Variants in PTPRQ observed in about 807,000 individuals in gnomAD.
PTPRQ encodes protein tyrosine phosphatase receptor type Q.
Under a neutral mutation model 246.0 loss-of-function variants are expected in PTPRQ, and 199 were observed. The observed-to-expected ratio is 0.81, with a 90% confidence interval of 0.72 to 0.91. The LOEUF is 0.91. Ranked by LOEUF, PTPRQ falls within the 40% of genes least tolerant of loss-of-function variation. The pLI, the probability that PTPRQ is intolerant of heterozygous loss-of-function variation, is 0.00. For synonymous variants in PTPRQ, 869 were observed against 853.2 expected, an observed-to-expected ratio of 1.02 and a Z score of -0.32; for missense variants, 2,624 against 2,528.4, an observed-to-expected ratio of 1.04 and a Z score of -0.81.
At chr12:80,643,573 T>C (rs1304296071) in intron 35 of PTPRQ, among the ~76,000 whole-genome samples, 1 of 152,008 alleles carries the variant, frequency 6.6e-6, no homozygotes, top group Non-Finnish European at 1.5e-5. Context: ...GAAACATCAA[T>C]GATTTGGTAA....
intron 39 of PTPRQ, among the ~76,000 whole-genome samples, chr12:80,666,579 A>G (rs1382015534): frequency 6.6e-6 from 1 of 151,992 alleles, no homozygotes; most frequent in African/African-American, 2.4e-5. Context: ...AACATAAAGA[A>G]ATTATAAATG....
intron 26 of PTPRQ, among the ~76,000 whole-genome samples, chr12:80,595,500 C>A (rs1419788648): frequency 3.3e-5 from 5 of 151,968 alleles, no homozygotes; most frequent in African/African-American, 7.2e-5. Flanking sequence ...AATTAAAATT[C>A]TCTTGGCCAG....
chr12:80,506,489 A>G (rs1337804944), intron 15 of PTPRQ, 80 bp from the exon 16 acceptor site: 2 of 1,129,126 alleles, frequency 1.8e-6, no homozygotes, highest in East Asian at 2.6e-5. Flanking sequence ...TTGTGTTGAC[A>G]GCCATTTCAT....
Position 80,472,263 on chromosome 12 carries a change from G to GGGAAT in PTPRQ, c.1186+14_1186+18dup, listed in dbSNP as rs1261150108. ...CACTCCACCAGATGGTAAGAACATAGGGAATGAGTGAGATATTTTTGGTAT... is the reference window on the plus strand; with the variant it reads ...CACTCCACCAGATGGTAAGAACATAGGGAATGGAATGAGTGAGATATTTTTGGTAT... On this transcript the variant is annotated intron_variant, in intron 8 of 44. Transcript: ENST00000644991. 6.5e-7 allele frequency: 1 copy of GGGAAT among 1,550,274 alleles called. No homozygotes were observed.
intron 37 of PTPRQ, among the ~76,000 whole-genome samples, chr12:80,652,495 G>C (rs1900288940): frequency 6.6e-6 from 1 of 151,900 alleles, no homozygotes; most frequent in Non-Finnish European, 1.5e-5. Context: ...ACATCTTAAG[G>C]CTTCCCAAAG....
At chr12:80,500,164 A>G (rs1383573827) in intron 14 of PTPRQ, among the ~76,000 whole-genome samples, 1 of 152,036 alleles carries the variant, frequency 6.6e-6, no homozygotes, top group Non-Finnish European at 1.5e-5. Context: ...GATTCAAGGT[A>G]ACTTCCCTTT....
chr12:80,464,093 G>A lies in PTPRQ; in HGVS notation c.910+3191G>A, dbSNP rs1048116025. Among the ~76,000 whole-genome samples the A allele has an allele frequency of 6.7e-4, 102 of 151,980 alleles. 1 individual carries two copies. The highest frequency in any genetic ancestry group is 4.0e-4 in the Non-Finnish European group (27 of 67,998). On this transcript the variant is annotated intron_variant, in intron 6 of 44. Coordinates refer to ENST00000644991, the MANE Select transcript of PTPRQ (RefSeq NM_001145026.2). ...ACTGGCAAATTAGATAAAGAGTCAA[G>A]ACCCATCAGTGTGTTGTATTCAGGA...
rs1898638728 is a variant in PTPRQ at position 80,613,649 on chromosome 12, A to G, written c.4976A>G (p.Lys1659Arg). 6.5e-7 allele frequency: 1 copy of G among 1,545,630 alleles called. No individual in the cohort carries two copies. Among genetic ancestry groups the G allele is most frequent in the Admixed American group, 2.0e-5 (1 of 50,718 alleles). The change falls in exon 29 of 45, where the codon AAA becomes AGA. Residue 1659 changes from lysine (K) to arginine (R), a missense_variant. Coordinates refer to ENST00000644991, the MANE Select transcript of PTPRQ (RefSeq NM_001145026.2). ...CAGAAGATACCAGATGAAGTTACAA[A>G]ATTTCAATTAACGTTCCTTCCTCCT... ...TFQKIPDEVT[K>R]FQLTFLPPSQ...
intron 17 of PTPRQ, among the ~76,000 whole-genome samples, chr12:80,514,558 AAT>A (rs1386752969): frequency 7.0e-6 from 1 of 143,392 alleles, no homozygotes; most frequent in Non-Finnish European, 1.5e-5. Context: ...TATATATATA[AAT>A]ATATATTATA....
At chr12:80,589,762 A>T (rs1897731601) in intron 26 of PTPRQ, among the ~76,000 whole-genome samples, 1 of 151,998 alleles carries the variant, frequency 6.6e-6, no homozygotes, top group Admixed American at 6.6e-5. Context: ...TGGCACTTTG[A>T]CACTTGGTTT....
intron 25 of PTPRQ, among the ~76,000 whole-genome samples, chr12:80,563,210 G>C (rs1896877605): frequency 6.6e-6 from 1 of 152,140 alleles, no homozygotes; most frequent in Non-Finnish European, 1.5e-5. Context: ...CTGGAAGCTG[G>C]AAAGTCCAAC....
Position 80,457,563 on chromosome 12 carries a change from G to T in PTPRQ, c.391-12G>T. On this transcript the variant is annotated splice_polypyrimidine_tract_variant and intron_variant, in intron 3 of 44. Transcript: ENST00000644991. ...TAAAATGTTTGAACACAATCCTTTT[G>T]GTCTGTTCTAGGTTGCTGCTGAAAA... is the stretch of plus-strand genomic sequence containing the variant. The T allele has an allele frequency of 2.5e-6, 1 of 399,962 alleles. No homozygotes were observed. Among genetic ancestry groups the T allele is most frequent in the East Asian group, 3.6e-5 (1 of 27,986 alleles). The allele number at this position is 399,962 out of a possible 1,614,324, so 24.8% of individuals were successfully genotyped here. A position where few individuals can be genotyped will look rare whatever the true frequency, so the allele number is the denominator to read the frequency against.
At position 80,619,516 on chromosome 12, in the gene PTPRQ, T is replaced by G; in HGVS notation, c.5363T>G (p.Val1788Gly). Residue 1788 changes from valine (V) to glycine (G), a missense_variant, in exon 31 of 45, where the codon GTA becomes GGA. Coordinates refer to ENST00000644991, the MANE Select transcript of PTPRQ (RefSeq NM_001145026.2). ...YSDDHGPIKN[V>G]QVLVTETGAQ... Reference sequence around the variant, plus strand: ...GATGATCATGGACCAATAAAAAATGTACAAGTGCTTGTGACAGAAACAGGA... The same window carrying G: ...GATGATCATGGACCAATAAAAAATGGACAAGTGCTTGTGACAGAAACAGGA... 6.5e-7 allele frequency: 1 copy of G among 1,538,662 alleles called. No individual in the cohort carries two copies. The highest frequency in any genetic ancestry group is 8.8e-7 in the Non-Finnish European group (1 of 1,139,522).
At chr12:80,540,265 T>G (rs994034238) in intron 20 of PTPRQ, among the ~76,000 whole-genome samples, 1 of 152,180 alleles carries the variant, frequency 6.6e-6, no homozygotes, top group African/African-American at 2.4e-5. Context: ...TTCATTTTCC[T>G]TAAGGACTTA....
chr12:80,539,891 TTGGAAA>T lies in PTPRQ; in HGVS notation c.3105_3110del (p.Gly1037_Asn1038del). The stretch of plus-strand genomic sequence containing the variant: ...TTTTGGTTAACAGCAAGTACTTCAG[TTGGAAA>T]TGGGAATAAAAGCAGTGACATCATT... On this transcript the variant is annotated inframe_deletion, in exon 20 of 45. Transcript: ENST00000644991. 12 of 1,549,116 alleles carry T rather than the reference TTGGAAA, an allele frequency of 7.7e-6. No homozygotes were observed. The highest frequency in any genetic ancestry group is 1.0e-5 in the Non-Finnish European group (12 of 1,145,666).
At chr12:80,592,889 TA>T (rs1897847543) in intron 26 of PTPRQ, among the ~76,000 whole-genome samples, 1 of 152,152 alleles carries the variant, frequency 6.6e-6, no homozygotes, top group African/African-American at 2.4e-5. Context: ...TGGGCACCTG[TA>T]ATCCCAACTC....
intron 6 of PTPRQ, among the ~76,000 whole-genome samples, chr12:80,467,770 C>T (rs943157687): frequency 5.9e-5 from 9 of 151,656 alleles, no homozygotes; most frequent in South Asian, 2.1e-4. Context: ...AAAAACCAAA[C>T]ACCGCATATT....
intron 8 of PTPRQ, among the ~76,000 whole-genome samples, chr12:80,483,954 A>C (rs566941431): frequency 6.6e-6 from 1 of 151,512 alleles, no homozygotes; most frequent in South Asian, 2.1e-4. Flanking sequence ...TAACAAAATA[A>C]ATTGTTTTTG....
At chr12:80,520,310 G>T (rs576873743) in intron 17 of PTPRQ, among the ~76,000 whole-genome samples, 3 of 151,998 alleles carry the variant, frequency 2.0e-5, no homozygotes, top group South Asian at 4.2e-4. Flanking sequence ...AGACCTGATG[G>T]CTTTTTTATT....
Sources: gnomAD v4.1 joint callset for allele counts (sites outside exome capture counted in the v4.1 genomes callset) on GRCh38, gnomAD v4.1.1 for gene constraint, MANE v1.5 for transcripts, NCBI Gene and HGNC (gene_info 2026-07-23, HGNC 2026-07-21) for gene names.